NCSTN: variants seen among roughly 807,000 people sequenced by gnomAD.
NCSTN encodes anterior pharynx-defective 2.
NCSTN carries 22 observed loss-of-function variants against 87.0 expected under a neutral mutation model. That is an observed-to-expected ratio of 0.25 (90% CI 0.18 to 0.36). The LOEUF is 0.36. Among genes scored for constraint, NCSTN ranks in the 10% least tolerant of loss-of-function variants. The probability of loss-of-function intolerance (pLI) is 1.00; values close to 1 mark genes in which losing one functional copy is unlikely to be tolerated. For synonymous variants in NCSTN, 306 were observed against 327.1 expected, an observed-to-expected ratio of 0.94 and a Z score of 0.69; for missense variants, 693 against 883.3, an observed-to-expected ratio of 0.78 and a Z score of 2.73.
intron 2 of NCSTN, among the ~76,000 whole-genome samples, chr1:160,345,938 GAAAAAAAAAAAAAAA>G (rs56358787): frequency 1.7e-5 from 1 of 59,808 alleles, no homozygotes; most frequent in Non-Finnish European, 3.0e-5. Flanking sequence ...GACACTGTCT[GAAAAAAAAAAAAAAA>G]AAAAAAAAGA....
chr1:160,355,717 G>T lies in NCSTN; in HGVS notation c.1415G>T (p.Ser472Ile), dbSNP rs751244153. ...NINVSYPEWL[S>I]PEEDLNFVTD... is the part of the protein sequence containing the mutation. ...AATGTGAGCTATCCCGAATGGCTGA[G>T]CCCTGAAGAGGACCTGAACTTTGTA... is the stretch of plus-strand genomic sequence containing the variant. Residue 472 changes from serine to isoleucine, a missense_variant, in exon 12 of 17, where the codon AGC becomes ATC. Physicochemically the swap from Ser to Ile is moderately radical, Grantham distance 142. Coordinates refer to ENST00000294785, the MANE Select transcript of NCSTN (RefSeq NM_015331.3). The T allele has an allele frequency of 5.6e-6, 9 of 1,614,078 alleles. No homozygotes were observed. Among genetic ancestry groups the T allele is most frequent in the African/African-American group, 4.0e-5 (3 of 74,926 alleles).
rs753346280 is a variant in NCSTN at position 160,349,551 on chromosome 1, A to G, written c.317A>G (p.Asp106Gly). 1.9e-6 allele frequency: 3 copies of G among 1,614,012 alleles called. No homozygotes were observed. The South Asian group carries it at 3.3e-5, about 18-fold the overall frequency. The change falls in exon 4 of 17, where the codon GAT becomes GGT. Residue 106 changes from aspartate (D) to glycine (G), a missense_variant and splice_region_variant. Asp to Gly is a moderately conservative substitution (Grantham distance 94, BLOSUM62 -1). This residue lies in a region of NCSTN where 235 missense variants were observed against 233.9 expected (regional missense o/e 1.00). Transcript: ENST00000294785. Reference sequence around the variant, plus strand: ...ATGGAATTCCTTTCCTATTCCAGGGATTTAATGGAGAAGCTGAAAGGGAGA... The same window carrying G: ...ATGGAATTCCTTTCCTATTCCAGGGGTTTAATGGAGAAGCTGAAAGGGAGA... Reference protein sequence around the residue: ...VLLESKHFTRDLMEKLKGRTS... With the variant: ...VLLESKHFTRGLMEKLKGRTS...
At chr1:160,358,026 C>T in intron 16 of NCSTN, 123 bp from the exon 17 acceptor site, 1 of 1,247,214 alleles carries the variant, frequency 8.0e-7, no homozygotes, top group Non-Finnish European at 1.2e-6. Flanking sequence ...ATGATTATTC[C>T]ATAGTTGGTG....
intron 15 of NCSTN, 71 bp from the exon 16 acceptor site, chr1:160,356,970 G>A: frequency 6.8e-7 from 1 of 1,464,524 alleles, no homozygotes; most frequent in East Asian, 2.3e-5. Flanking sequence ...GCATGGCACT[G>A]ATAGAGGGTA....
At chr1:160,357,815 C>T (rs942928653) in intron 16 of NCSTN, among the ~76,000 whole-genome samples, 1 of 152,220 alleles carries the variant, frequency 6.6e-6, no homozygotes, top group Non-Finnish European at 1.5e-5. Flanking sequence ...CCCCATCTGG[C>T]ACAGCTGGGA....
intron 16 of NCSTN, 51 bp from the exon 17 acceptor site, chr1:160,358,098 A>G (rs753451979): frequency 3.1e-6 from 5 of 1,613,814 alleles, no homozygotes; most frequent in Admixed American, 3.3e-5. Flanking sequence ...AAAAAACTGC[A>G]CTGAGTTCTG....
chr1:160,349,456 C>T, intron 3 of NCSTN, 93 bp from the exon 4 acceptor site: 2 of 1,512,886 alleles, frequency 1.3e-6, no homozygotes, highest in Non-Finnish European at 1.8e-6. Flanking sequence ...GTTTGATTCC[C>T]CTAGTTCCCC....
intron 2 of NCSTN, 71 bp downstream of exon 2, chr1:160,344,897 T>C (rs569549809): frequency 2.0e-5 from 26 of 1,301,616 alleles, no homozygotes; most frequent in East Asian, 1.8e-4. Flanking sequence ...GTAACATCCA[T>C]GTCCTGCTTA....
intron 5 of NCSTN, 112 bp from the exon 6 acceptor site, chr1:160,351,110 A>C (rs942639645): frequency 1.1e-5 from 12 of 1,110,662 alleles, no homozygotes; most frequent in African/African-American, 1.5e-5. Flanking sequence ...AATGTCTCCG[A>C]AAAGGGTGTG....
chr1:160,347,565 C>T (rs1460634369), intron 2 of NCSTN, among the ~76,000 whole-genome samples: 2 of 152,170 alleles, frequency 1.3e-5, no homozygotes, highest in South Asian at 2.1e-4. Flanking sequence ...TTTTTTCAGT[C>T]CAGTATCATA....
At position 160,356,758 on chromosome 1, in the gene NCSTN, AGTGGTGGTGG is replaced by A; in HGVS notation, c.1794+8_1794+17del. The A allele has an allele frequency of 6.2e-7, 1 of 1,614,142 alleles. No individual in the cohort carries two copies. The highest frequency in any genetic ancestry group is 8.5e-7 in the Non-Finnish European group (1 of 1,180,032). On this transcript the variant is annotated splice_donor_5th_base_variant and intron_variant, in intron 15 of 16. Transcript: ENST00000294785. ...AGTCCCAAGTGAAAACAAGGATGTG[AGTGGTGGTGG>A]GTGTTGGAAGTGCCCTGGGGCCCCT...
chr1:160,353,346 C>T (rs2101905227), intron 10 of NCSTN, 109 bp downstream of exon 10: 5 of 1,580,416 alleles, frequency 3.2e-6, no homozygotes, highest in Non-Finnish European at 4.3e-6. Context: ...GGGTAAGAGA[C>T]AGGATTGGAT....
chr1:160,352,816 C>A, intron 8 of NCSTN, 71 bp from the exon 9 acceptor site: 1 of 1,192,992 alleles, frequency 8.4e-7, no homozygotes, highest in Non-Finnish European at 1.3e-6. Flanking sequence ...CTTTGATGAT[C>A]TGGCCGCCTT....
At chr1:160,345,606 T>A (rs1648437748) in intron 2 of NCSTN, among the ~76,000 whole-genome samples, 6 of 152,102 alleles carry the variant, frequency 3.9e-5, no homozygotes, top group Admixed American at 3.9e-4. Flanking sequence ...CAAAATGGGC[T>A]AAAGGCAATG....
chr1:160,348,691 T>C (rs1232301574), intron 2 of NCSTN, among the ~76,000 whole-genome samples: 2 of 152,220 alleles, frequency 1.3e-5, no homozygotes, highest in Non-Finnish European at 2.9e-5. Context: ...TTGAAAACTT[T>C]GGTGTCTATT....
intron 1 of NCSTN, chr1:160,344,438 C>T: frequency 6.8e-7 from 1 of 1,478,646 alleles, no homozygotes; most frequent in South Asian, 1.4e-5. Flanking sequence ...AATCTAAGGT[C>T]AAACACCTTT....
chr1:160,351,474 C>A, intron 6 of NCSTN, 102 bp downstream of exon 6: 2 of 1,432,954 alleles, frequency 1.4e-6, no homozygotes, highest in Non-Finnish European at 1.9e-6. Flanking sequence ...AAGGAGTAGA[C>A]ACCATGAAGG....
Position 160,357,213 on chromosome 1 carries a change from T to A in NCSTN, c.1967T>A (p.Ile656Asn). 6.2e-7 allele frequency: 1 copy of A among 1,614,136 alleles called. No individual in the cohort carries two copies. The highest frequency in any genetic ancestry group is 8.5e-7 in the Non-Finnish European group (1 of 1,180,024). The change falls in exon 16 of 17, where the codon ATC becomes AAC. Residue 656 changes from isoleucine to asparagine, a missense_variant. By Grantham distance (149) the Ile-to-Asn change is moderately radical. Coordinates refer to ENST00000294785, the MANE Select transcript of NCSTN (RefSeq NM_015331.3). ...STWTESRWKD[I>N]RARIFLIASK... is the part of the protein sequence containing the mutation. ...TGGACTGAGAGCCGCTGGAAAGATATCCGTGCCCGGATATTTCTCATCGCC... is the reference window on the plus strand; with the variant it reads ...TGGACTGAGAGCCGCTGGAAAGATAACCGTGCCCGGATATTTCTCATCGCC...
At chr1:160,358,086 C>A (rs1649225018) in intron 16 of NCSTN, 63 bp from the exon 17 acceptor site, 1 of 1,612,788 alleles carries the variant, frequency 6.2e-7, no homozygotes, top group Non-Finnish European at 8.5e-7. Flanking sequence ...AAACAGTTAT[C>A]CAAAAAACTG....
Sources: gnomAD v4.1 joint callset for allele counts (sites outside exome capture counted in the v4.1 genomes callset) on GRCh38, gnomAD v4.1.1 for gene constraint, gnomAD v4.1.1 regional missense constraint, MANE v1.5 for transcripts, NCBI Gene and HGNC (gene_info 2026-07-23, HGNC 2026-07-21) for gene names.